The following JAK2 variants were observed in gnomAD, a reference collection of about 807,000 sequenced individuals.
JAK2 encodes tyrosine-protein kinase JAK2.
A neutral mutation model predicts 139.3 loss-of-function variants in JAK2; 86 were observed. The ratio of observed to expected loss-of-function variants is 0.62; its 90% CI spans 0.52 to 0.74. JAK2 has a LOEUF of 0.74. JAK2 is among the 30% of genes least tolerant of loss of function. The pLI is 0.00. For missense variants in JAK2, 1,421 were observed against 1,360.3 expected (o/e 1.04, Z -0.70); for synonymous variants, 490 against 437.7 (o/e 1.12, Z -1.49).
rs1299924101 is a variant in JAK2 at position 5,129,776 on chromosome 9, A to G, written c.*2985A>G. Among the ~76,000 whole-genome samples, 5 of 152,148 alleles carry G rather than the reference A, an allele frequency of 3.3e-5. No individual in the cohort carries two copies. In the East Asian group the frequency reaches 9.6e-4, roughly 29 times the overall value. On this transcript the variant is annotated 3_prime_UTR_variant, in exon 25 of 25. Transcript: ENST00000381652. ...TTAGATTTCAAAATGACACTGAGAGAACTGAAAAACTACATCAGTCAAATT... is the reference window on the plus strand; with the variant it reads ...TTAGATTTCAAAATGACACTGAGAGGACTGAAAAACTACATCAGTCAAATT...
At chr9:5,050,634 A>T (rs1817350368) in intron 5 of JAK2, 52 bp from the exon 6 acceptor site, 2 of 1,523,442 alleles carry the variant, frequency 1.3e-6, no homozygotes, top group Non-Finnish European at 1.8e-6. Context: ...ATAGATTAAA[A>T]CATGATAATG....
intron 22 of JAK2, among the ~76,000 whole-genome samples, chr9:5,103,035 C>T (rs543761754): frequency 7.2e-4 from 110 of 151,894 alleles, no homozygotes; most frequent in Non-Finnish European, 1.2e-3. Flanking sequence ...TTCAAATTCA[C>T]ACATAACAAT....
chr9:5,112,098 G>A, intron 22 of JAK2: 1 of 353,756 alleles, frequency 2.8e-6, no homozygotes, highest in Non-Finnish European at 5.6e-6. Flanking sequence ...CCACCTACCT[G>A]AACGAGGGCA....
At chr9:5,006,574 A>T (rs936111654) in intron 2 of JAK2, among the ~76,000 whole-genome samples, 2 of 152,188 alleles carry the variant, frequency 1.3e-5, no homozygotes, top group Admixed American at 6.5e-5. Context: ...AGGCCTCAGG[A>T]AATTTACAAT....
chr9:5,113,441 A>C (rs1449571727), intron 22 of JAK2: 2 of 114,954 alleles, frequency 1.7e-5, no homozygotes, highest in Admixed American at 9.3e-5. Context: ...AAAAAAAAAA[A>C]AAAAAAAACC....
At position 5,090,587 on chromosome 9, in the gene JAK2, T is replaced by G. The variant is rs761205892; in HGVS notation, c.2886+17T>G. 3 of 1,554,134 alleles carry G rather than the reference T, an allele frequency of 1.9e-6. No homozygotes were observed. Among genetic ancestry groups the G allele is most frequent in the Non-Finnish European group, 2.6e-6 (3 of 1,153,122 alleles). On this transcript the variant is annotated intron_variant, in intron 21 of 24. Coordinates refer to ENST00000381652, the MANE Select transcript of JAK2 (RefSeq NM_004972.4). ...ATATGCAAGGTAACTAATATCCTGA[T>G]TATTTGCTGTAGATGAAGCAACCGT...
At chr9:5,056,640 C>T (rs1353542519) in intron 8 of JAK2, among the ~76,000 whole-genome samples, 2 of 152,058 alleles carry the variant, frequency 1.3e-5, no homozygotes, top group African/African-American at 2.4e-5. Flanking sequence ...GTTTGTACCC[C>T]CTACACCTTG....
chr9:5,003,609 T>C (rs114403903), intron 2 of JAK2, among the ~76,000 whole-genome samples: 65 of 152,200 alleles, frequency 4.3e-4, no homozygotes, highest in African/African-American at 1.4e-3. Context: ...GATTGGTAGA[T>C]TCTTTTAAAT....
chr9:5,063,211 C>CT (rs1818310984), intron 8 of JAK2, among the ~76,000 whole-genome samples: 1 of 152,100 alleles, frequency 6.6e-6, no homozygotes, highest in Non-Finnish European at 1.5e-5. Flanking sequence ...TCTTATATAA[C>CT]TTTTTCCAGG....
chr9:5,005,578 A>G (rs1316348416), intron 2 of JAK2, among the ~76,000 whole-genome samples: 3 of 151,912 alleles, frequency 2.0e-5, no homozygotes, highest in East Asian at 3.9e-4. Flanking sequence ...TTTGTTTAGC[A>G]TTTTTTTCCA....
At chr9:5,041,988 G>C (rs1816580028) in intron 4 of JAK2, 4 of 358,770 alleles carry the variant, frequency 1.1e-5, no homozygotes, top group South Asian at 2.2e-5. Context: ...GCTTGTGTGA[G>C]GGCCTTGGGG....
At chr9:5,085,952 G>C (rs1210010861) in intron 19 of JAK2, 2 of 1,120,748 alleles carry the variant, frequency 1.8e-6, no homozygotes, top group African/African-American at 1.5e-5. Flanking sequence ...TGAAAGGATC[G>C]GTGTATTTCT....
intron 2 of JAK2, among the ~76,000 whole-genome samples, chr9:5,011,449 C>G (rs1821693973): frequency 6.6e-6 from 1 of 152,170 alleles, no homozygotes; most frequent in African/African-American, 2.4e-5. Context: ...CTTGGCCTCC[C>G]AAAATGTTGG....
intron 19 of JAK2, among the ~76,000 whole-genome samples, chr9:5,084,231 G>C (rs1819915434): frequency 6.6e-6 from 1 of 152,072 alleles, no homozygotes; most frequent in African/African-American, 2.4e-5. Context: ...TCATTAGTCA[G>C]TCATAGATAT....
chr9:5,074,643 C>T (rs2130563339), intron 14 of JAK2, among the ~76,000 whole-genome samples: 2 of 152,280 alleles, frequency 1.3e-5, no homozygotes, highest in East Asian at 3.9e-4. Context: ...CCTGGGGCCT[C>T]CCTATTCCCT....
intron 22 of JAK2, among the ~76,000 whole-genome samples, chr9:5,118,194 C>A (rs1483456737): frequency 6.6e-6 from 1 of 152,106 alleles, no homozygotes; most frequent in Non-Finnish European, 1.5e-5. Flanking sequence ...CAATTTGATA[C>A]CCACTTATCA....
At chr9:5,031,053 T>C (rs1458303497) in intron 4 of JAK2, among the ~76,000 whole-genome samples, 3 of 151,998 alleles carry the variant, frequency 2.0e-5, no homozygotes, top group East Asian at 1.9e-4. Context: ...GAAGACAGTA[T>C]AGGAAAATTA....
At position 5,127,526 on chromosome 9, in the gene JAK2, T is replaced by C. The variant is rs1237828768; in HGVS notation, c.*735T>C. ...TACAAAGATATAATCTATTTTATTA[T>C]GGTTTCCCTTGTATCTATTTGTGGT... is the stretch of plus-strand genomic sequence containing the variant. On this transcript the variant is annotated 3_prime_UTR_variant, in exon 25 of 25. Coordinates refer to ENST00000381652, the MANE Select transcript of JAK2 (RefSeq NM_004972.4). 8.7e-6 allele frequency: 2 copies of C among 231,190 alleles called. No individual in the cohort carries two copies. Among genetic ancestry groups the C allele is most frequent in the Non-Finnish European group, 1.7e-5 (2 of 116,482 alleles). The allele number at this position is 231,190 out of a possible 1,614,324, so 14.3% of individuals were successfully genotyped here.
rs1166634241 is a variant in JAK2 at position 5,070,024 on chromosome 9, AC to A, written c.1614del (p.His538GlnfsTer8). The A allele has an allele frequency of 6.2e-7, 1 of 1,607,400 alleles. No homozygotes were observed. The highest frequency in any genetic ancestry group is 1.3e-5 in the African/African-American group (1 of 74,780). On this transcript the variant is annotated frameshift_variant, in exon 12 of 25. Transcript: ENST00000381652. LOFTEE classifies it high-confidence loss of function. ...ACTCATATGAACCAAATGGTGTTTC[AC>A]AAAATCAGAAATGAAGATTTGATAT... The part of the protein sequence containing the change: ...RPTHMNQMVF[H>X]KIRNEDLIFN...
Sources: gnomAD v4.1 joint callset for allele counts (sites outside exome capture counted in the v4.1 genomes callset) on GRCh38, gnomAD v4.1.1 for gene constraint, MANE v1.5 for transcripts, NCBI Gene and HGNC (gene_info 2026-07-23, HGNC 2026-07-21) for gene names.